Variants in RNF17 observed in about 807,000 individuals in gnomAD.
RNF17 encodes the protein spermatogenesis associated 23.
In RNF17, 31 loss-of-function variants were observed where a neutral mutation model predicts 200.5. That is an observed-to-expected ratio of 0.15 (90% CI 0.12 to 0.21). The LOEUF (loss-of-function observed/expected upper bound fraction) is 0.21. Ranked by LOEUF, RNF17 falls within the 10% of genes least tolerant of loss-of-function variation. The probability of loss-of-function intolerance (pLI) is 1.00; values close to 1 mark genes in which losing one functional copy is unlikely to be tolerated. For synonymous variants in RNF17, 606 were observed against 637.8 expected (o/e 0.95, Z 0.75); for missense variants, 1,628 against 1,905.1 (o/e 0.85, Z 2.71).
chr13:24,806,145 T>C (rs1443677327), intron 15 of RNF17, among the ~76,000 whole-genome samples: 1 of 152,224 alleles, frequency 6.6e-6, no homozygotes, highest in Non-Finnish European at 1.5e-5. Context: ...TGTTTGGTTT[T>C]CTGTTCCTGT....
At chr13:24,875,443 G>T (rs1357678088) in intron 33 of RNF17, among the ~76,000 whole-genome samples, 1 of 152,138 alleles carries the variant, frequency 6.6e-6, no homozygotes, top group Non-Finnish European at 1.5e-5. Flanking sequence ...TCTTGTTCAT[G>T]CCCTAATTGA....
At chr13:24,851,663 G>A in intron 24 of RNF17, 92 bp downstream of exon 24, 3 of 729,196 alleles carry the variant, frequency 4.1e-6, no homozygotes, top group Non-Finnish European at 6.8e-6. Context: ...AGTCTGAATT[G>A]CATCTTGTTT....
In RNF17 at chr13:24,844,738, T is replaced by A; in HGVS notation, c.2918T>A (p.Ile973Asn). 1.2e-6 allele frequency: 2 copies of A among 1,613,696 alleles called. No individual in the cohort carries two copies. The highest frequency in any genetic ancestry group is 1.7e-6 in the Non-Finnish European group (2 of 1,179,696). ...AATGATATGCACTGTGCTGTTAAGA[T>A]CCAAGATAAAAATCAGTGGCGAAGA... ...WENDMHCAVK[I>N]QDKNQWRRGQ... Residue 973 changes from isoleucine (I) to asparagine (N), a missense_variant, in exon 21 of 36, where the codon ATC becomes AAC. Transcript: ENST00000255324.
rs76635861 is a variant in RNF17, at chr13:24,846,896, C to A, written c.3101+1817C>A. ...ATACACATGCACACACTTAGGTATA[C>A]ATATATGTGTAGGCTTTTCAGACAT... On this transcript the variant is annotated intron_variant, in intron 22 of 35. Coordinates refer to ENST00000255324, the MANE Select transcript of RNF17 (RefSeq NM_031277.3). Among the ~76,000 whole-genome samples the A allele has an allele frequency of 2.2e-3, 333 of 152,170 alleles. 17 individuals are homozygous for A. The East Asian group carries it at 0.054, about 25-fold the overall frequency.
chr13:24,848,361 T>C (rs573158776), intron 22 of RNF17, among the ~76,000 whole-genome samples: 2 of 152,216 alleles, frequency 1.3e-5, no homozygotes, highest in African/African-American at 4.8e-5. Flanking sequence ...TACAGTTCTA[T>C]GACATTAAGA....
upstream of RNF17, among the ~76,000 whole-genome samples, chr13:24,763,557 C>T (rs1212785191): frequency 6.6e-6 from 1 of 152,106 alleles, no homozygotes; most frequent in East Asian, 1.9e-4. Flanking sequence ...AGGTCCGGTA[C>T]ATAACACTTA....
At chr13:24,806,624 G>A (rs1885879295) in intron 15 of RNF17, among the ~76,000 whole-genome samples, 1 of 152,140 alleles carries the variant, frequency 6.6e-6, no homozygotes, top group Non-Finnish European at 1.5e-5. Flanking sequence ...TCACAGCAAT[G>A]TCTTCTTTTG....
At chr13:24,839,395 A>G (rs370818993) in intron 18 of RNF17, among the ~76,000 whole-genome samples, 47 of 152,356 alleles carry the variant, frequency 3.1e-4, no homozygotes, top group African/African-American at 1.1e-3. Context: ...TCTAAAATTC[A>G]TATAGAACCA....
intron 18 of RNF17, among the ~76,000 whole-genome samples, chr13:24,836,748 A>G (rs1220866174): frequency 6.6e-6 from 1 of 152,186 alleles, no homozygotes; most frequent in Non-Finnish European, 1.5e-5. Context: ...AAATACATCA[A>G]AACAGAATCT....
At chr13:24,883,927 C>A, downstream of RNF17, 1 of 1,613,738 alleles carries the variant, frequency 6.2e-7, no homozygotes, top group Non-Finnish European at 8.5e-7. Flanking sequence ...AGGTGTCACA[C>A]TGAGTGGTTT....
intron 15 of RNF17, among the ~76,000 whole-genome samples, chr13:24,816,709 C>T (rs1566173900): frequency 6.6e-6 from 1 of 152,194 alleles, no homozygotes; most frequent in Non-Finnish European, 1.5e-5. Flanking sequence ...CCTAACTTTC[C>T]TCCCAGTCAG....
chr13:24,822,013 G>A (rs1322257772), intron 15 of RNF17, among the ~76,000 whole-genome samples: 1 of 152,172 alleles, frequency 6.6e-6, no homozygotes, highest in East Asian at 1.9e-4. Context: ...CTTCTGAAAG[G>A]GAAAGACTGG....
At chr13:24,816,077 T>A (rs929627679) in intron 15 of RNF17, among the ~76,000 whole-genome samples, 25 of 152,068 alleles carry the variant, frequency 1.6e-4, no homozygotes, top group African/African-American at 4.1e-4. Context: ...ACAATTTTTT[T>A]ATTTTAGAAA....
At chr13:24,765,155 A>T (rs1376332065) in intron 1 of RNF17, among the ~76,000 whole-genome samples, 1 of 152,082 alleles carries the variant, frequency 6.6e-6, no homozygotes, top group Non-Finnish European at 1.5e-5. Context: ...AGCTGGGACT[A>T]CAGGCGCCCG....
the RNF17 span, chr13:24,886,387 T>C: frequency 1.6e-6 from 2 of 1,288,266 alleles, no homozygotes; most frequent in Non-Finnish European, 2.0e-6. Flanking sequence ...GTGCTGTGCC[T>C]GTGAGACAGG....
chr13:24,828,640 CAT>C (rs894037401), intron 16 of RNF17, among the ~76,000 whole-genome samples: 5 of 148,946 alleles, frequency 3.4e-5, no homozygotes, highest in African/African-American at 1.3e-4. Context: ...TCATTAAATT[CAT>C]ACTCTGTGTA....
intron 34 of RNF17, among the ~76,000 whole-genome samples, chr13:24,878,562 A>G (rs1294571831): frequency 4.6e-5 from 7 of 152,194 alleles, no homozygotes; most frequent in Non-Finnish European, 8.8e-5. Context: ...TCCAAGGCCA[A>G]AGAGCCCCTG....
At chr13:24,804,536 C>T in intron 15 of RNF17, 107 bp downstream of exon 15, 1 of 738,152 alleles carries the variant, frequency 1.4e-6, no homozygotes. Flanking sequence ...GCAAACGTAC[C>T]ACTGTTAACC....
chr13:24,813,066 T>A (rs1886928667), intron 15 of RNF17, among the ~76,000 whole-genome samples: 1 of 152,212 alleles, frequency 6.6e-6, no homozygotes, highest in African/African-American at 2.4e-5. Flanking sequence ...CTGAACATCT[T>A]TACATGTCCT....
Sources: allele counts gnomAD v4.1 joint callset (sites outside exome capture counted in the v4.1 genomes callset), GRCh38; gene constraint gnomAD v4.1.1; transcripts MANE v1.5; gene names NCBI Gene and HGNC (gene_info 2026-07-23, HGNC 2026-07-21).